HADH: variants seen among roughly 807,000 people sequenced by gnomAD.
The protein encoded by HADH is hydroxyacyl-coenzyme A dehydrogenase, mitochondrial.
In HADH, 24 loss-of-function variants were observed where a neutral mutation model predicts 32.2. The observed-to-expected ratio is 0.75, with a 90% CI of 0.54 to 1.05. The LOEUF is 1.05. HADH is among the 50% of genes least tolerant of loss of function. HADH has a pLI of 0.00. For missense variants in HADH, 350 were observed against 397.1 expected (o/e 0.88, Z 1.01); for synonymous variants, 139 against 152.5 (o/e 0.91, Z 0.65).
chr4:108,001,324 G>A (rs900681235), intron 1 of HADH, among the ~76,000 whole-genome samples: 4 of 152,200 alleles, frequency 2.6e-5, no homozygotes, highest in Admixed American at 1.3e-4. Flanking sequence ...GTATGAGAAC[G>A]ATTGGAATTT....
chr4:108,015,090 A>T (rs1735648854), intron 3 of HADH, among the ~76,000 whole-genome samples: 1 of 152,246 alleles, frequency 6.6e-6, no homozygotes, highest in African/African-American at 2.4e-5. Context: ...TGCAATAAAC[A>T]TATGAGTGCA....
At chr4:108,012,664 A>G (rs1735540447) in intron 2 of HADH, among the ~76,000 whole-genome samples, 1 of 152,260 alleles carries the variant, frequency 6.6e-6, no homozygotes, top group Non-Finnish European at 1.5e-5. Flanking sequence ...TAAATAAGGA[A>G]GAGGAACAGG....
At chr4:108,010,990 A>G (rs952494908) in intron 2 of HADH, among the ~76,000 whole-genome samples, 13 of 151,942 alleles carry the variant, frequency 8.6e-5, no homozygotes, top group African/African-American at 1.9e-4. Context: ...CTGGGATTAC[A>G]GGCGCACGCC....
At chr4:108,016,225 G>C (rs1735689203) in intron 3 of HADH, among the ~76,000 whole-genome samples, 1 of 152,118 alleles carries the variant, frequency 6.6e-6, no homozygotes, top group South Asian at 2.1e-4. Flanking sequence ...ATGCTTCTTG[G>C]TTGGAATTGA....
At chr4:108,013,142 C>T (rs530509442) in intron 2 of HADH, among the ~76,000 whole-genome samples, 211 of 152,282 alleles carry the variant, frequency 1.4e-3, no homozygotes, top group Non-Finnish European at 2.1e-3. Context: ...CATGTTATCC[C>T]GGATGGTCTC....
chr4:108,032,950 T>G lies in HADH; in HGVS notation c.710-226T>G, dbSNP rs1254470036. 1.3e-5 allele frequency: 7 copies of G among 521,394 alleles called. No homozygotes were observed. In the Admixed American group the frequency reaches 1.8e-4, roughly 14 times the overall value. The allele number at this position is 521,394 out of a possible 1,614,324, so 32.3% of individuals were successfully genotyped here. On this transcript the variant is annotated intron_variant, in intron 6 of 7. Transcript: ENST00000309522. ...CGAGCCAAGATTGTGCCATTGCACT[T>G]CAGCTTGGGTGACAGAGCAAGACTC...
At chr4:107,992,832 C>T (rs1281014968) in intron 1 of HADH, among the ~76,000 whole-genome samples, 4 of 152,096 alleles carry the variant, frequency 2.6e-5, no homozygotes, top group African/African-American at 4.8e-5. Flanking sequence ...TAATTATCTT[C>T]GGCCCGGCAT....
At chr4:108,013,045 G>T (rs1735555747) in intron 2 of HADH, among the ~76,000 whole-genome samples, 1 of 152,198 alleles carries the variant, frequency 6.6e-6, no homozygotes. Context: ...CCATTCTCCT[G>T]CCTCAGCCTT....
At chr4:107,993,123 T>C (rs1436801514) in intron 1 of HADH, among the ~76,000 whole-genome samples, 1 of 152,182 alleles carries the variant, frequency 6.6e-6, no homozygotes, top group Admixed American at 6.5e-5. Flanking sequence ...CTCAAAAAGA[T>C]AAATAAAAAG....
intron 4 of HADH, among the ~76,000 whole-genome samples, chr4:108,020,795 A>G (rs1735862822): frequency 6.6e-6 from 1 of 152,204 alleles, no homozygotes; most frequent in Non-Finnish European, 1.5e-5. Context: ...ATGTGGGGCC[A>G]GGCAAACCTA....
chr4:108,021,695 A>G (rs1033781997), intron 4 of HADH, among the ~76,000 whole-genome samples: 1 of 152,192 alleles, frequency 6.6e-6, no homozygotes, highest in Non-Finnish European at 1.5e-5. Context: ...ACTTAATTTG[A>G]AAACTCCATA....
chr4:108,006,231 A>C (rs1237612046), intron 1 of HADH, among the ~76,000 whole-genome samples: 1 of 152,034 alleles, frequency 6.6e-6, no homozygotes, highest in Non-Finnish European at 1.5e-5. Flanking sequence ...TAGCGTCTGG[A>C]ACTTTCAGAG....
In HADH at chr4:108,009,847, T is replaced by C. The variant is rs1349330334; in HGVS notation, c.221T>C (p.Leu74Pro). 6.2e-7 allele frequency: 1 copy of C among 1,611,644 alleles called. No individual in the cohort carries two copies. Among genetic ancestry groups the C allele is most frequent in the Non-Finnish European group, 8.5e-7 (1 of 1,177,686 alleles). ...TCCAAAAAGGGAATTGAGGAAAGCC[T>C]TAGGAAAGTGGCAAAGAAGAAGTTT... ...AKSKKGIEESLRKVAKKKFAE... is the reference protein window; with the variant it reads ...AKSKKGIEESPRKVAKKKFAE... Residue 74 changes from leucine to proline, a missense_variant, in exon 2 of 8, where the codon CTT (leucine) becomes CCT (proline). Leu to Pro is a moderately conservative substitution (Grantham distance 98). Coordinates refer to ENST00000309522, the MANE Select transcript of HADH (RefSeq NM_005327.7).
chr4:108,020,389 G>A (rs750232072), intron 4 of HADH, among the ~76,000 whole-genome samples: 6 of 152,202 alleles, frequency 3.9e-5, no homozygotes, highest in Non-Finnish European at 7.3e-5. Flanking sequence ...AGGATTGATT[G>A]AGCCTGGGAG....
intron 3 of HADH, among the ~76,000 whole-genome samples, chr4:108,018,541 A>G (rs982508576): frequency 1.3e-5 from 2 of 152,060 alleles, no homozygotes; most frequent in Non-Finnish European, 2.9e-5. Flanking sequence ...GCCTACCCAC[A>G]CTGGTCTCGC....
At chr4:108,004,800 T>C in intron 1 of HADH, 1 of 1,536,024 alleles carries the variant, frequency 6.5e-7, no homozygotes. Flanking sequence ...TAGGAGTTAC[T>C]ACACTTCAAG....
chr4:107,989,932 C>G lies in HADH; in HGVS notation c.-1C>G, dbSNP rs1292861349. On this transcript the variant is annotated 5_prime_UTR_variant, in exon 1 of 8. Coordinates refer to ENST00000309522, the MANE Select transcript of HADH (RefSeq NM_005327.7). ...CTCGCTGTCGCCGCCGCTGCCACAC[C>G]ATGGCCTTCGTCACCAGGCAGTTCA... The G allele has an allele frequency of 6.2e-7, 1 of 1,612,478 alleles. No individual in the cohort carries two copies. Among genetic ancestry groups the G allele is most frequent in the Non-Finnish European group, 8.5e-7 (1 of 1,179,548 alleles).
At chr4:107,996,053 A>T (rs1441275628) in intron 1 of HADH, among the ~76,000 whole-genome samples, 3 of 152,186 alleles carry the variant, frequency 2.0e-5, no homozygotes, top group South Asian at 4.1e-4. Context: ...TCTTCCAGCC[A>T]CATGTACTCT....
intron 3 of HADH, among the ~76,000 whole-genome samples, chr4:108,016,129 T>G (rs1020551172): frequency 6.6e-6 from 1 of 152,154 alleles, no homozygotes; most frequent in African/African-American, 2.4e-5. Context: ...CCTGGCAGAA[T>G]GTACCTTGGG....
Sources: allele counts gnomAD v4.1 joint callset (sites outside exome capture counted in the v4.1 genomes callset), GRCh38; gene constraint gnomAD v4.1.1; transcripts MANE v1.5; gene names NCBI Gene and HGNC (gene_info 2026-07-23, HGNC 2026-07-21).